The following ZNF514 variants were observed in gnomAD, a reference collection of about 807,000 sequenced individuals.
The protein encoded by ZNF514 is zinc finger protein 514.
In ZNF514, 12 loss-of-function variants were observed where a neutral mutation model predicts 9.7. The ratio of observed to expected loss-of-function variants is 1.24; its 90% confidence interval spans 0.79 to 2.01. The LOEUF (loss-of-function observed/expected upper bound fraction) is 2.01. ZNF514 is among the 30% of genes most tolerant of loss of function. ZNF514 has a pLI of 0.00. For synonymous variants in ZNF514, 158 were observed against 163.7 expected (o/e 0.97, Z 0.27); for missense variants, 467 against 465.5 (o/e 1.00, Z -0.03).
chr2:95,133,205 A>G, the ZNF514 span, among the ~76,000 whole-genome samples: 4 of 152,146 alleles, frequency 2.6e-5, no homozygotes, highest in Admixed American at 2.6e-4. Context: ...AAGATGGCTC[A>G]TGCCTGCAAT....
At chr2:95,157,504 C>G in intron 1 of ZNF514, 65 bp from the exon 2 acceptor site, 4 of 955,594 alleles carry the variant, frequency 4.2e-6, no homozygotes, top group Non-Finnish European at 4.4e-6. Context: ...CTCAGACTTC[C>G]CAAGCCTGAG....
chr2:95,159,171 C>A (rs922474631), intron 1 of ZNF514, 69 bp downstream of exon 1: 4 of 391,614 alleles, frequency 1.0e-5, no homozygotes, highest in African/African-American at 8.8e-5. Flanking sequence ...CCGGCAAACC[C>A]CGGTGCGCCC....
In ZNF514 at chr2:95,158,886, C is replaced by T. The variant is rs755158920; in HGVS notation, c.-96+354G>A. The T allele has an allele frequency of 4.9e-5, 63 of 1,289,708 alleles. 1 individual carries two copies. The South Asian group carries it at 7.2e-4, about 15-fold the overall frequency. 79.9% of individuals were successfully genotyped at this position (1,289,708 alleles called of 1,614,324 possible). A position where few individuals can be genotyped will look rare whatever the true frequency, so the allele number is the denominator to read the frequency against. ...CTTCAGTGGGATTCCCCGGCCTCTT[C>T]CTGGGGTCCTCCTGATATCGGGCTC... On this transcript the variant is annotated intron_variant, in intron 1 of 4. Coordinates refer to ENST00000295208, the MANE Select transcript of ZNF514 (RefSeq NM_032788.3).
chr2:95,127,486 A>G, the ZNF514 span, among the ~76,000 whole-genome samples: 7 of 152,110 alleles, frequency 4.6e-5, no homozygotes, highest in South Asian at 2.1e-4. Context: ...ACCATACCCA[A>G]CTTCTGTTCA....
At chr2:95,141,655 G>A (rs1315200540), downstream of ZNF514, among the ~76,000 whole-genome samples, 1 of 152,180 alleles carries the variant, frequency 6.6e-6, no homozygotes, top group African/African-American at 2.4e-5. Flanking sequence ...TCTACTGGAA[G>A]AGTCATCCAA....
chr2:95,158,937 T>C, intron 1 of ZNF514: 1 of 1,289,770 alleles, frequency 7.8e-7, no homozygotes, highest in South Asian at 1.2e-5. Flanking sequence ...AGAGGGCTCC[T>C]GGCCCTCTGC....
At chr2:95,134,001 T>C in the ZNF514 span, among the ~76,000 whole-genome samples, 1 of 152,174 alleles carries the variant, frequency 6.6e-6, no homozygotes, top group Non-Finnish European at 1.5e-5. Flanking sequence ...TGCATGAGAA[T>C]CTACAGTTAT....
rs948907416 is a variant in ZNF514, at chr2:95,147,637, T to A, written c.*1645A>T. 4 of 150,456 alleles carry A rather than the reference T, an allele frequency of 2.7e-5. No individual in the cohort carries two copies. The highest frequency in any genetic ancestry group is 5.9e-5 in the Non-Finnish European group (4 of 67,848). The allele number at this position is 150,456 out of a possible 1,614,324, so 9.3% of individuals were successfully genotyped here. ...TTGTGCATAATACCCATATTTTAGT[T>A]GTTTTTTTTTTTTTTTTCTGAGACG... On this transcript the variant is annotated 3_prime_UTR_variant, in exon 5 of 5. Transcript: ENST00000295208.
the ZNF514 span, among the ~76,000 whole-genome samples, chr2:95,139,766 G>A: frequency 3.9e-5 from 6 of 152,140 alleles, no homozygotes; most frequent in African/African-American, 1.4e-4. Flanking sequence ...GAGATTTGGA[G>A]GGGGCCAAGG....
intron 1 of ZNF514, chr2:95,158,915 A>G: frequency 7.8e-7 from 1 of 1,289,774 alleles, no homozygotes; most frequent in Non-Finnish European, 1.0e-6. Context: ...CGGGCTCGGT[A>G]CTAGCTCCCC....
chr2:95,137,143 A>C, the ZNF514 span, among the ~76,000 whole-genome samples: 1 of 152,178 alleles, frequency 6.6e-6, no homozygotes, highest in African/African-American at 2.4e-5. Flanking sequence ...CGAAAAAGAT[A>C]ATATGGAAGT....
At chr2:95,135,417 CTTTT>C in the ZNF514 span, among the ~76,000 whole-genome samples, 3 of 140,958 alleles carry the variant, frequency 2.1e-5, no homozygotes, top group Non-Finnish European at 3.1e-5. Context: ...TTCGTTCTTT[CTTTT>C]TTTTTTTTTC....
downstream of ZNF514, among the ~76,000 whole-genome samples, chr2:95,142,568 A>C (rs996565374): frequency 7.9e-5 from 12 of 152,188 alleles, no homozygotes; most frequent in Non-Finnish European, 1.6e-4. Context: ...TGCCCCTACC[A>C]GGTTCACTTC....
At chr2:95,141,074 AT>A (rs950701463), downstream of ZNF514, among the ~76,000 whole-genome samples, 17 of 152,100 alleles carry the variant, frequency 1.1e-4, no homozygotes, top group Non-Finnish European at 2.1e-4. Flanking sequence ...GATAATATAC[AT>A]TGGGTACAGT....
At position 95,149,159 on chromosome 2, in the gene ZNF514, G is replaced by A; in HGVS notation, c.*123C>T. 8.2e-7 allele frequency: 1 copy of A among 1,220,520 alleles called. No individual in the cohort carries two copies. The highest frequency in any genetic ancestry group is 1.1e-6 in the Non-Finnish European group (1 of 887,656). The allele number at this position is 1,220,520 out of a possible 1,614,324, so 75.6% of individuals were successfully genotyped here. A position where few individuals can be genotyped will look rare whatever the true frequency, so the allele number is the denominator to read the frequency against. The stretch of plus-strand genomic sequence containing the variant: ...GGATTCTCTTTAGTAATTATTGCCT[G>A]ATGTGGAACAAGATGTGGTCTTCCC... On this transcript the variant is annotated 3_prime_UTR_variant, in exon 5 of 5. Transcript: ENST00000295208.
At chr2:95,132,923 T>C in the ZNF514 span, among the ~76,000 whole-genome samples, 1 of 150,494 alleles carries the variant, frequency 6.6e-6, no homozygotes, top group African/African-American at 2.4e-5. Context: ...CGCCTAGCAA[T>C]TGCATTCCTG....
intron 4 of ZNF514, among the ~76,000 whole-genome samples, chr2:95,150,724 C>A (rs1166676271): frequency 6.6e-6 from 1 of 152,106 alleles, no homozygotes; most frequent in Non-Finnish European, 1.5e-5. Flanking sequence ...TCCTGAAACC[C>A]TTCACTTTCT....
chr2:95,153,265 A>G lies in ZNF514; in HGVS notation c.-6-6T>C. The G allele has an allele frequency of 6.8e-6, 11 of 1,613,304 alleles. No homozygotes were observed. Among genetic ancestry groups the G allele is most frequent in the Non-Finnish European group, 9.3e-6 (11 of 1,179,446 alleles). On this transcript the variant is annotated splice_region_variant and splice_polypyrimidine_tract_variant and intron_variant, in intron 2 of 4. Transcript: ENST00000295208. Reference sequence around the variant, plus strand: ...TCTTCAAATGTCATCAGGTCCTGAAACACAGAAGACACTCCAGTGTCCACT... The same window carrying G: ...TCTTCAAATGTCATCAGGTCCTGAAGCACAGAAGACACTCCAGTGTCCACT...
At chr2:95,125,707 A>G in the ZNF514 span, among the ~76,000 whole-genome samples, 5 of 152,218 alleles carry the variant, frequency 3.3e-5, no homozygotes, top group East Asian at 3.8e-4. Flanking sequence ...GTGCAGTTAT[A>G]TAGTATTGTC....
Sources: gnomAD v4.1 joint callset for allele counts (sites outside exome capture counted in the v4.1 genomes callset) on GRCh38, gnomAD v4.1.1 for gene constraint, MANE v1.5 for transcripts, NCBI Gene and HGNC (gene_info 2026-07-23, HGNC 2026-07-21) for gene names.